The following NDUFAF1 variants were observed in gnomAD, a reference collection of about 807,000 sequenced individuals.
The protein encoded by NDUFAF1 is NADH:ubiquinone oxidoreductase complex assembly factor 1.
A neutral mutation model predicts 28.7 loss-of-function variants in NDUFAF1; 18 were observed. The ratio of observed to expected loss-of-function variants is 0.63; its 90% CI spans 0.43 to 0.93. NDUFAF1 has a LOEUF of 0.93. Among genes scored for constraint, NDUFAF1 ranks in the 40% least tolerant of loss-of-function variants. The pLI, the probability that NDUFAF1 is intolerant of heterozygous loss-of-function variation, is 0.00. For missense variants in NDUFAF1, 404 were observed against 398.3 expected (o/e 1.01, Z -0.12); for synonymous variants, 113 against 139.7 (o/e 0.81, Z 1.35).
At chr15:41,394,491 T>G in intron 3 of NDUFAF1, 1 of 684,570 alleles carries the variant, frequency 1.5e-6, no homozygotes, top group Non-Finnish European at 2.3e-6. Context: ...CTAGTTAGTA[T>G]GTTAACATTT....
At position 41,394,652 on chromosome 15, in the gene NDUFAF1, A is replaced by G. The variant is rs367698367; in HGVS notation, c.759+207T>C. On this transcript the variant is annotated intron_variant, in intron 3 of 4. Transcript: ENST00000260361. ...TTTTTTTTTTTTTTTTTTTTGAGAC[A>G]GAGTCTCATCTCACTCTGTTGCCCA... Among the ~76,000 whole-genome samples, 351 of 116,026 alleles carry G rather than the reference A, an allele frequency of 3.0e-3. 3 individuals carry two copies. Among genetic ancestry groups the G allele is most frequent in the African/African-American group, 0.011 (328 of 28,828 alleles). 76.1% of individuals were successfully genotyped at this position (116,026 alleles called of 152,430 possible).
chr15:41,390,223 A>G (rs983186715), intron 3 of NDUFAF1, among the ~76,000 whole-genome samples: 1 of 152,102 alleles, frequency 6.6e-6, no homozygotes, highest in African/African-American at 2.4e-5. Context: ...TAGCCTCCCA[A>G]AGTGCTAGGA....
intron 1 of NDUFAF1, among the ~76,000 whole-genome samples, chr15:41,398,201 A>T (rs1371197426): frequency 3.3e-5 from 5 of 149,946 alleles, no homozygotes; most frequent in Non-Finnish European, 7.4e-5. Flanking sequence ...TTTATAAGAG[A>T]CTGGGTCAGG....
chr15:41,395,409 A>C (rs1021025300), intron 2 of NDUFAF1, among the ~76,000 whole-genome samples: 3 of 147,312 alleles, frequency 2.0e-5, no homozygotes, highest in East Asian at 4.0e-4. Context: ...TTGCTCTGTC[A>C]CCCAGGCTGG....
At chr15:41,398,023 CAAAAAA>C (rs1217218175) in intron 1 of NDUFAF1, among the ~76,000 whole-genome samples, 1 of 56,974 alleles carries the variant, frequency 1.8e-5, no homozygotes, top group African/African-American at 6.9e-5. Flanking sequence ...GACTCTGTCT[CAAAAAA>C]AAAAAAAAAA....
At position 41,392,378 on chromosome 15, in the gene NDUFAF1, C is replaced by T. The variant is rs149430317; in HGVS notation, c.759+2481G>A. On this transcript the variant is annotated intron_variant, in intron 3 of 4. Coordinates refer to ENST00000260361, the MANE Select transcript of NDUFAF1 (RefSeq NM_016013.4). ...CATGAGCCACCTAGCCCAGCCTGGA[C>T]TTTATTCGAATTGTAATGGGAAACC... 1.8e-4 allele frequency among the ~76,000 whole-genome samples: 27 copies of T among 152,114 alleles called. 1 individual carries two copies. In the East Asian group the frequency reaches 5.2e-3, roughly 29 times the overall value.
chr15:41,389,054 C>G (rs577343376), intron 3 of NDUFAF1, among the ~76,000 whole-genome samples: 1 of 151,792 alleles, frequency 6.6e-6, no homozygotes, highest in East Asian at 1.9e-4. Flanking sequence ...TTATTAAGCA[C>G]GATCTTTTAA....
Position 41,397,570 on chromosome 15 carries a change from C to T in NDUFAF1, c.-81-430G>A, listed in dbSNP as rs189917841. Among the ~76,000 whole-genome samples, 66 of 152,098 alleles carry T rather than the reference C, an allele frequency of 4.3e-4. No individual in the cohort carries two copies. The East Asian group carries it at 7.7e-3, about 18-fold the overall frequency. On this transcript the variant is annotated intron_variant, in intron 1 of 4. Transcript: ENST00000260361. Reference sequence around the variant, plus strand: ...ATCCCAGCACTTGGGGAGGCCGAGGCGGGTGGATCACGAGGTCAGGAAATC... The same window carrying T: ...ATCCCAGCACTTGGGGAGGCCGAGGTGGGTGGATCACGAGGTCAGGAAATC...
intron 1 of NDUFAF1, among the ~76,000 whole-genome samples, chr15:41,397,496 C>G (rs910261668): frequency 6.6e-6 from 1 of 152,040 alleles, no homozygotes; most frequent in Non-Finnish European, 1.5e-5. Context: ...GGGTGGATCA[C>G]GAGGTCAAGA....
chr15:41,391,141 TATA>T (rs1395990263), intron 3 of NDUFAF1, among the ~76,000 whole-genome samples: 2 of 151,976 alleles, frequency 1.3e-5, no homozygotes, highest in African/African-American at 2.4e-5. Context: ...AGTTATTTTG[TATA>T]ATAATTCATT....
At chr15:41,397,776 G>T (rs1474755622) in intron 1 of NDUFAF1, among the ~76,000 whole-genome samples, 1 of 145,092 alleles carries the variant, frequency 6.9e-6, no homozygotes, top group Non-Finnish European at 1.5e-5. Context: ...TCCAGCCTGG[G>T]CGACAGAGCG....
At chr15:41,394,019 CTTTTTTTTTTTTT>C (rs549825524) in intron 3 of NDUFAF1, 5 of 130,106 alleles carry the variant, frequency 3.8e-5, no homozygotes, top group Admixed American at 1.4e-4. Context: ...TAGGACACTA[CTTTTTTTTTTTTT>C]TTTTTTTTTT....
At chr15:41,401,907 G>A (rs1267826541) in intron 1 of NDUFAF1, among the ~76,000 whole-genome samples, 1 of 152,092 alleles carries the variant, frequency 6.6e-6, no homozygotes, top group African/African-American at 2.4e-5. Context: ...TACACATACC[G>A]AAATTTGAGA....
rs2050396658 is a variant in NDUFAF1 at position 41,396,897 on chromosome 15, T to C, written c.163A>G (p.Thr55Ala). 2 of 1,614,080 alleles carry C rather than the reference T, an allele frequency of 1.2e-6. No individual in the cohort carries two copies. Among genetic ancestry groups the C allele is most frequent in the African/African-American group, 2.7e-5 (2 of 74,922 alleles). The change falls in exon 2 of 5, where the codon ACT becomes GCT. Residue 55 changes from threonine (T) to alanine (A), a missense_variant. Thr to Ala is a moderately conservative substitution (Grantham distance 58). Coordinates refer to ENST00000260361, the MANE Select transcript of NDUFAF1 (RefSeq NM_016013.4). The stretch of plus-strand genomic sequence containing the variant: ...TGATCTCCTTGCAAATCCCCTTCAG[T>C]CTTCCTCTGTGAGGAGGCTTTGCCA... Reference protein sequence around the residue: ...SPGKASSQRKTEGDLQGDHQK... With the variant: ...SPGKASSQRKAEGDLQGDHQK...
chr15:41,395,807 T>TG (rs563707339), intron 2 of NDUFAF1, among the ~76,000 whole-genome samples: 378 of 150,396 alleles, frequency 2.5e-3, no homozygotes, highest in African/African-American at 8.4e-3. Context: ...CCCAAGTACC[T>TG]GGAATTACAG....
rs558371044 is a variant in NDUFAF1 at position 41,400,482 on chromosome 15, C to G, written c.-82+1662G>C. Among the ~76,000 whole-genome samples the G allele has an allele frequency of 1.4e-3, 218 of 151,860 alleles. 1 individual carries two copies. The highest frequency in any genetic ancestry group is 1.8e-3 in the Non-Finnish European group (120 of 67,966). ...TCAGCCTCTGGAGTACCTGGGATTA[C>G]AGGCGTGAGCCACTGCACCTGATGA... is the stretch of plus-strand genomic sequence containing the variant. On this transcript the variant is annotated intron_variant, in intron 1 of 4. Coordinates refer to ENST00000260361, the MANE Select transcript of NDUFAF1 (RefSeq NM_016013.4).
intron 3 of NDUFAF1, 72 bp from the exon 4 acceptor site, chr15:41,388,594 T>TA: frequency 1.0e-6 from 1 of 970,640 alleles, no homozygotes; most frequent in South Asian, 1.3e-5. Context: ...ATTGTAACGA[T>TA]AAAATGAGTT....
In NDUFAF1 at chr15:41,387,382, T is replaced by A; in HGVS notation, c.*62A>T. 2 of 1,485,024 alleles carry A rather than the reference T, an allele frequency of 1.3e-6. No homozygotes were observed. The highest frequency in any genetic ancestry group is 1.9e-6 in the Non-Finnish European group (2 of 1,065,558). The allele number at this position is 1,485,024 out of a possible 1,614,324, so 92.0% of individuals were successfully genotyped here. A position where few individuals can be genotyped will look rare whatever the true frequency, so the allele number is the denominator to read the frequency against. The stretch of plus-strand genomic sequence containing the variant: ...ATGCCATTAAAGAAATATTTTATTT[T>A]GTCTATATCATTGTAGATGCTAGTA... On this transcript the variant is annotated 3_prime_UTR_variant, in exon 5 of 5. Coordinates refer to ENST00000260361, the MANE Select transcript of NDUFAF1 (RefSeq NM_016013.4).
chr15:41,396,533 T>A lies in NDUFAF1; in HGVS notation c.527A>T (p.Glu176Val). 5.0e-6 allele frequency: 8 copies of A among 1,614,124 alleles called. No individual in the cohort carries two copies. Among genetic ancestry groups the A allele is most frequent in the Non-Finnish European group, 6.8e-6 (8 of 1,180,028 alleles). The part of the protein sequence containing the change: ...TLSSEAPQDG[E>V]STRSGYCAMI... ...TGCACAGTACCCACTTCGGGTAGAC[T>A]CCCCGTCCTGAGGCGCCTCAGAGCT... The change falls in exon 2 of 5, where the codon GAG becomes GTG. Residue 176 changes from glutamate to valine, a missense_variant. Glu to Val is a moderately radical substitution (Grantham distance 121). Coordinates refer to ENST00000260361, the MANE Select transcript of NDUFAF1 (RefSeq NM_016013.4).
Sources: gnomAD v4.1 joint callset for allele counts (sites outside exome capture counted in the v4.1 genomes callset) on GRCh38, gnomAD v4.1.1 for gene constraint, MANE v1.5 for transcripts, NCBI Gene and HGNC (gene_info 2026-07-23, HGNC 2026-07-21) for gene names.